GABRB3: variants seen among roughly 807,000 people sequenced by gnomAD.
The protein encoded by GABRB3 is gamma-aminobutyric acid type A receptor subunit beta3, also known as gamma-aminobutyric acid receptor subunit beta-3.
In GABRB3, 14 loss-of-function variants were observed where a neutral mutation model predicts 52.1. The observed-to-expected ratio is 0.27, with a 90% CI of 0.18 to 0.42. GABRB3 has a LOEUF of 0.42. GABRB3 is among the 10% of genes least tolerant of loss of function. The probability of loss-of-function intolerance (pLI) is 1.00; values close to 1 mark genes in which losing one functional copy is unlikely to be tolerated. For synonymous variants in GABRB3, 260 were observed against 232.3 expected (o/e 1.12, Z -1.08); for missense variants, 307 against 609.1 (o/e 0.50, Z 5.22).
chr15:26,714,984 C>A (rs148936243), intron 3 of GABRB3, among the ~76,000 whole-genome samples: 2 of 152,034 alleles, frequency 1.3e-5, no homozygotes, highest in African/African-American at 4.8e-5. Flanking sequence ...AAAAAAGCCA[C>A]GTGCAAAAAA....
At chr15:26,641,960 G>C (rs1268685408) in intron 3 of GABRB3, among the ~76,000 whole-genome samples, 2 of 151,628 alleles carry the variant, frequency 1.3e-5, no homozygotes, top group Admixed American at 1.3e-4. Flanking sequence ...CTCGATCATA[G>C]CTCACTGAAG....
chr15:26,597,561 G>T (rs1891439416), intron 4 of GABRB3, among the ~76,000 whole-genome samples: 1 of 152,160 alleles, frequency 6.6e-6, no homozygotes, highest in Non-Finnish European at 1.5e-5. Context: ...GGAGGTCCTG[G>T]ATTTATCATG....
At chr15:26,696,076 C>A (rs1422578229) in intron 3 of GABRB3, among the ~76,000 whole-genome samples, 1 of 152,202 alleles carries the variant, frequency 6.6e-6, no homozygotes, top group Admixed American at 6.5e-5. Context: ...GAAATTATTT[C>A]TCTCTAAGAT....
chr15:26,596,267 A>G (rs1891391563), intron 4 of GABRB3, among the ~76,000 whole-genome samples: 1 of 152,178 alleles, frequency 6.6e-6, no homozygotes, highest in African/African-American at 2.4e-5. Flanking sequence ...ATTTCTTGAT[A>G]CGAACAAACA....
At chr15:26,667,627 G>C (rs1160805741) in intron 3 of GABRB3, among the ~76,000 whole-genome samples, 1 of 152,212 alleles carries the variant, frequency 6.6e-6, no homozygotes, top group African/African-American at 2.4e-5. Context: ...TAATCACTGA[G>C]TTAAAACAAT....
chr15:26,715,536 G>A (rs763456111), intron 3 of GABRB3, among the ~76,000 whole-genome samples: 17 of 152,150 alleles, frequency 1.1e-4, no homozygotes, highest in Non-Finnish European at 2.2e-4. Flanking sequence ...AGGCAGGAAC[G>A]AGAAGGACAT....
chr15:26,575,095 GCA>G (rs1304482122), intron 6 of GABRB3, among the ~76,000 whole-genome samples: 1 of 152,110 alleles, frequency 6.6e-6, no homozygotes, highest in African/African-American at 2.4e-5. Flanking sequence ...TCACCATTGA[GCA>G]CAGTTTTAAA....
At chr15:26,554,178 A>G (rs868184995) in intron 8 of GABRB3, among the ~76,000 whole-genome samples, 1,378 of 25,644 alleles carry the variant, frequency 0.054, 164 homozygotes, top group African/African-American at 0.21. Flanking sequence ...TATATAAAGT[A>G]TATATATATA....
At chr15:26,751,627 A>G (rs763404248) in intron 3 of GABRB3, among the ~76,000 whole-genome samples, 3 of 151,882 alleles carry the variant, frequency 2.0e-5, no homozygotes, top group Non-Finnish European at 2.9e-5. Flanking sequence ...TGTCTAACTC[A>G]TTAGTATTTT....
chr15:26,594,794 G>A (rs1310095538), intron 4 of GABRB3, among the ~76,000 whole-genome samples: 1 of 152,090 alleles, frequency 6.6e-6, no homozygotes, highest in South Asian at 2.1e-4. Context: ...AAGATTACAC[G>A]CATGAGCCAC....
At position 26,567,637 on chromosome 15, in the gene GABRB3, A is replaced by G; in HGVS notation, c.779T>C (p.Leu260Pro). ...ATTGATCCAGAAGGACACCCACGAC[A>G]GAATCGTTATCAGTATAGAGGGCAT... ...TYMPSILITI[L>P]SWVSFWINYD... Residue 260 changes from leucine to proline, a missense_variant, in exon 7 of 9, where the codon CTG (leucine) becomes CCG (proline). Leu to Pro is a moderately conservative substitution (Grantham distance 98, BLOSUM62 -3). This residue lies in a region of GABRB3 where 32 missense variants were observed against 147.8 expected (regional missense o/e 0.22). Coordinates refer to ENST00000311550, the MANE Select transcript of GABRB3 (RefSeq NM_000814.6). The G allele has an allele frequency of 6.2e-7, 1 of 1,614,164 alleles. No homozygotes were observed. Among genetic ancestry groups the G allele is most frequent in the Non-Finnish European group, 8.5e-7 (1 of 1,180,030 alleles).
chr15:26,589,094 T>C (rs1035306326), intron 4 of GABRB3, among the ~76,000 whole-genome samples: 3 of 152,196 alleles, frequency 2.0e-5, no homozygotes, highest in Non-Finnish European at 4.4e-5. Context: ...CGGATGTCAG[T>C]GTGTTGAAGG....
At chr15:26,702,563 T>C (rs915551488) in intron 3 of GABRB3, among the ~76,000 whole-genome samples, 13 of 152,162 alleles carry the variant, frequency 8.5e-5, no homozygotes, top group Non-Finnish European at 1.8e-4. Context: ...ATACCAAGTG[T>C]TGACAGAAAT....
chr15:26,628,168 A>G (rs1192275719), intron 3 of GABRB3, among the ~76,000 whole-genome samples: 4 of 152,284 alleles, frequency 2.6e-5, no homozygotes, highest in Non-Finnish European at 5.9e-5. Context: ...ACAATGTAGT[A>G]TAAACATAAC....
intron 4 of GABRB3, among the ~76,000 whole-genome samples, chr15:26,596,704 A>G (rs1891407349): frequency 6.6e-6 from 1 of 152,202 alleles, no homozygotes; most frequent in South Asian, 2.1e-4. Flanking sequence ...ACACACAAAA[A>G]AAGAAGACAT....
At chr15:26,590,475 G>C (rs1432672171) in intron 4 of GABRB3, among the ~76,000 whole-genome samples, 1 of 152,144 alleles carries the variant, frequency 6.6e-6, no homozygotes, top group Non-Finnish European at 1.5e-5. Flanking sequence ...TCTGATGCAG[G>C]ATGCACTGGC....
intron 4 of GABRB3, among the ~76,000 whole-genome samples, chr15:26,586,748 C>T (rs116455920): frequency 0.011 from 1,568 of 144,988 alleles, 31 homozygotes; most frequent in African/African-American, 0.038. Flanking sequence ...AAATTTGTGA[C>T]AACATTGATG....
At chr15:26,571,215 T>C (rs1415226317) in intron 6 of GABRB3, among the ~76,000 whole-genome samples, 3 of 19,182 alleles carry the variant, frequency 1.6e-4, no homozygotes, top group Non-Finnish European at 4.3e-4. Context: ...TAATCCACCA[T>C]ACATGGAACA....
chr15:26,733,867 G>C (rs532029385), intron 3 of GABRB3, among the ~76,000 whole-genome samples: 1 of 152,250 alleles, frequency 6.6e-6, no homozygotes, highest in African/African-American at 2.4e-5. Flanking sequence ...AGTCAAGACT[G>C]TTCAATAGGG....
Sources: allele counts gnomAD v4.1 joint callset (sites outside exome capture counted in the v4.1 genomes callset), GRCh38; gene constraint gnomAD v4.1.1; regional missense constraint gnomAD v4.1.1; transcripts MANE v1.5; gene names NCBI Gene and HGNC (gene_info 2026-07-23, HGNC 2026-07-21).